Variants in AEBP2 observed in about 807,000 individuals in gnomAD.
AEBP2 encodes AE binding protein 2, also known as zinc finger protein AEBP2.
In AEBP2, 10 loss-of-function variants were observed where a neutral mutation model predicts 50.8. The ratio of observed to expected loss-of-function variants is 0.20; its 90% confidence interval spans 0.12 to 0.33. The LOEUF is 0.33. Ranked by LOEUF, AEBP2 falls within the 10% of genes least tolerant of loss-of-function variation. AEBP2 has a pLI of 1.00. For missense variants in AEBP2, 570 were observed against 688.0 expected, an observed-to-expected ratio of 0.83 and a Z score of 1.92; for synonymous variants, 296 against 261.3, an observed-to-expected ratio of 1.13 and a Z score of -1.28.
At chr12:19,504,033 G>GC (rs916243054) in intron 5 of AEBP2, among the ~76,000 whole-genome samples, 1 of 152,120 alleles carries the variant, frequency 6.6e-6, no homozygotes, top group African/African-American at 2.4e-5. Context: ...TCACCATGTT[G>GC]CCCAGGCTAA....
chr12:19,439,154 CCGCTCTCTTCGTAGACTGTAGGCT>C (rs1303420000), upstream of AEBP2, among the ~76,000 whole-genome samples: 1 of 152,214 alleles, frequency 6.6e-6, no homozygotes. Context: ...CCATTTTAAA[CCGCTCTCTTCGTAGACTGTAGGCT>C]CGTTCTATTC....
chr12:19,470,900 A>G (rs1256594805), intron 2 of AEBP2, among the ~76,000 whole-genome samples: 1 of 152,224 alleles, frequency 6.6e-6, no homozygotes, highest in East Asian at 1.9e-4. Context: ...TACAGGAATG[A>G]TGTTGATATT....
intron 4 of AEBP2, 104 bp downstream of exon 4, chr12:19,494,090 G>A: frequency 2.4e-6 from 3 of 1,267,184 alleles, no homozygotes; most frequent in South Asian, 1.6e-5. Flanking sequence ...TCTATTAAAA[G>A]TAACAAACAG....
intron 3 of AEBP2, among the ~76,000 whole-genome samples, chr12:19,481,488 G>A (rs1472198611): frequency 7.4e-6 from 1 of 135,766 alleles, no homozygotes; most frequent in Non-Finnish European, 1.6e-5. Flanking sequence ...TTTTTTTTTT[G>A]TGAGGCAGAG....
intron 3 of AEBP2, among the ~76,000 whole-genome samples, chr12:19,475,996 ATTTCT>A (rs1948643588): frequency 6.6e-6 from 1 of 151,944 alleles, no homozygotes; most frequent in South Asian, 2.1e-4. Context: ...TCTGCTGATT[ATTTCT>A]TTTATGTGCA....
intron 3 of AEBP2, among the ~76,000 whole-genome samples, chr12:19,481,844 TATG>T (rs1325410882): frequency 6.6e-6 from 1 of 152,202 alleles, no homozygotes; most frequent in African/African-American, 2.4e-5. Flanking sequence ...GCTGTTTCTT[TATG>T]ATATTTTTTC....
intron 5 of AEBP2, among the ~76,000 whole-genome samples, chr12:19,501,058 G>A (rs1309405433): frequency 1.3e-5 from 2 of 152,284 alleles, no homozygotes; most frequent in South Asian, 2.1e-4. Flanking sequence ...GGCCGGGCGT[G>A]GTGGCTCATG....
intron 4 of AEBP2, among the ~76,000 whole-genome samples, chr12:19,497,776 C>A (rs959354026): frequency 1.3e-5 from 2 of 152,056 alleles, no homozygotes; most frequent in African/African-American, 2.4e-5. Context: ...TGTCCAGCAC[C>A]AAAGGTTTTT....
intron 5 of AEBP2, among the ~76,000 whole-genome samples, chr12:19,508,370 G>A (rs1949184962): frequency 1.3e-5 from 2 of 152,046 alleles, no homozygotes; most frequent in Admixed American, 6.6e-5. Context: ...CTCACCATAG[G>A]TTTTTATATA....
At chr12:19,506,740 G>T (rs994467581) in intron 5 of AEBP2, among the ~76,000 whole-genome samples, 28 of 152,198 alleles carry the variant, frequency 1.8e-4, no homozygotes, top group African/African-American at 5.6e-4. Context: ...TGTCTTTTCA[G>T]TATTTCAAGT....
intron 1 of AEBP2, among the ~76,000 whole-genome samples, chr12:19,449,854 G>A (rs1223897115): frequency 1.3e-5 from 2 of 152,046 alleles, no homozygotes; most frequent in Non-Finnish European, 2.9e-5. Context: ...TAAAAATGAT[G>A]AGCATTTACT....
chr12:19,406,923 G>A lies in AEBP2; in HGVS notation c.-17+2707G>A, dbSNP rs563729763. 3.3e-5 allele frequency among the ~76,000 whole-genome samples: 5 copies of A among 152,264 alleles called. No individual in the cohort carries two copies. In the East Asian group the frequency reaches 9.6e-4, roughly 29 times the overall value. On this transcript the variant is annotated intron_variant, in intron 1 of 3. Coordinates refer to the AEBP2 transcript ENST00000538425. ...TTCATATTTTGCATGTGGATGTCCA[G>A]TTGTTCAACAACATTTGTTGAAAAG...
At position 19,518,321 on chromosome 12, in the gene AEBP2, T is replaced by C. The variant is rs764870303; in HGVS notation, c.*204T>C. 22 of 1,266,080 alleles carry C rather than the reference T, an allele frequency of 1.7e-5. No homozygotes were observed. Among genetic ancestry groups the C allele is most frequent in the Non-Finnish European group, 2.2e-5 (22 of 1,007,024 alleles). The allele number at this position is 1,266,080 out of a possible 1,614,324, so 78.4% of individuals were successfully genotyped here. On this transcript the variant is annotated 3_prime_UTR_variant, in exon 8 of 8. Transcript: ENST00000266508. ...GACTCTTCGGTGGAATATATTAATA[T>C]ATTACTGTATATCCACATTTTCATG...
Position 19,493,955 on chromosome 12 carries a change from G to A in AEBP2, c.1143G>A (p.Arg381=). ...CTAAAGCTGGAATGAACAAAAGGAG[G>A]AAATTAAAGAACAAAAGACGACGCT... ...SPSKAGMNKR[R]KLKNKRRRSL... The change falls in exon 4 of 8, where the codon AGG becomes AGA. Residue 381 remains arginine, a synonymous_variant. Coordinates refer to ENST00000266508, the MANE Select transcript of AEBP2 (RefSeq NM_153207.5). The A allele has an allele frequency of 1.2e-6, 2 of 1,611,350 alleles. No homozygotes were observed. The highest frequency in any genetic ancestry group is 1.7e-6 in the Non-Finnish European group (2 of 1,178,690).
chr12:19,462,404 C>A lies in AEBP2; in HGVS notation c.672-106C>A, dbSNP rs749236362. ...GAGAATATGGTTACTATGCTTTGTT[C>A]ACATGGAGCAGAATGTCAAGTGGTA... On this transcript the variant is annotated intron_variant, in intron 1 of 7. Coordinates refer to ENST00000266508, the MANE Select transcript of AEBP2 (RefSeq NM_153207.5). 698 of 916,686 alleles carry A rather than the reference C, an allele frequency of 7.6e-4. 2 individuals carry two copies. Among genetic ancestry groups the A allele is most frequent in the Non-Finnish European group, 1.0e-3 (614 of 607,480 alleles). 56.8% of individuals were successfully genotyped at this position (916,686 alleles called of 1,614,324 possible).
chr12:19,503,211 C>A (rs1334484013), intron 5 of AEBP2, among the ~76,000 whole-genome samples: 1 of 152,098 alleles, frequency 6.6e-6, no homozygotes, highest in African/African-American at 2.4e-5. Context: ...CTGATTCTTC[C>A]AATCTGTGAG....
chr12:19,514,936 C>CA (rs762984264), intron 7 of AEBP2, among the ~76,000 whole-genome samples, 152 bp downstream of exon 7: 9 of 150,828 alleles, frequency 6.0e-5, no homozygotes, highest in Non-Finnish European at 1.0e-4. Flanking sequence ...GATGTGGACT[C>CA]ACAAAGAGTT....
intron 7 of AEBP2, among the ~76,000 whole-genome samples, chr12:19,516,897 C>G (rs1949327578): frequency 6.6e-6 from 1 of 152,046 alleles, no homozygotes; most frequent in Non-Finnish European, 1.5e-5. Context: ...CGTAGTGTTG[C>G]ACGCCTGTAA....
intron 3 of AEBP2, among the ~76,000 whole-genome samples, chr12:19,490,194 ATTC>A (rs1948876549): frequency 6.6e-6 from 1 of 151,972 alleles, no homozygotes; most frequent in South Asian, 2.1e-4. Context: ...ACTAGGGCCT[ATTC>A]TTTGCTGTCT....
Sources: gnomAD v4.1 joint callset for allele counts (sites outside exome capture counted in the v4.1 genomes callset) on GRCh38, gnomAD v4.1.1 for gene constraint, MANE v1.5 for transcripts, NCBI Gene and HGNC (gene_info 2026-07-23, HGNC 2026-07-21) for gene names.